The following FBXO47 variants were observed in gnomAD, a reference collection of about 807,000 sequenced individuals.
The protein encoded by FBXO47 is F-box protein 47.
Under a neutral mutation model 53.9 loss-of-function variants are expected in FBXO47, and 34 were observed. The ratio of observed to expected loss-of-function variants is 0.63; its 90% CI spans 0.48 to 0.84. The LOEUF (loss-of-function observed/expected upper bound fraction) is 0.84. Ranked by LOEUF, FBXO47 falls within the 40% of genes least tolerant of loss-of-function variation. The pLI is 0.00. For synonymous variants in FBXO47, 165 were observed against 181.6 expected (o/e 0.91, Z 0.73); for missense variants, 485 against 541.3 (o/e 0.90, Z 1.03).
Position 38,942,840 on chromosome 17 carries a change from C to T in FBXO47, c.1021G>A (p.Ala341Thr). Residue 341 changes from alanine (A) to threonine (T), a missense_variant, in exon 9 of 11, where the codon GCT becomes ACT. Transcript: ENST00000378079. ...GTGCGTCCATTCACAGCTTTACTAG[C>T]CATGAAACTGAAACAGATGTTGTTT... The part of the protein sequence containing the change: ...SGNNICFSFM[A>T]SKAVNGRTIE... The T allele has an allele frequency of 1.2e-6, 2 of 1,613,926 alleles. No homozygotes were observed. The highest frequency in any genetic ancestry group is 1.7e-6 in the Non-Finnish European group (2 of 1,179,916).
intron 10 of FBXO47, among the ~76,000 whole-genome samples, chr17:38,937,867 A>G (rs2143872834): frequency 6.6e-6 from 1 of 151,914 alleles, no homozygotes; most frequent in South Asian, 2.1e-4. Flanking sequence ...ACGGGGTTTC[A>G]CCGTGTTAGC....
rs753916869 is a variant in FBXO47, at chr17:38,942,795, C to T, written c.1066G>A (p.Val356Ile). 6.8e-5 allele frequency: 110 copies of T among 1,607,522 alleles called. No homozygotes were observed. The highest frequency in any genetic ancestry group is 7.9e-5 in the Non-Finnish European group (93 of 1,178,426). The change falls in exon 9 of 11, where the codon GTA (valine) becomes ATA (isoleucine). Residue 356 changes from valine (V) to isoleucine (I), a missense_variant. Physicochemically the swap from Val to Ile is conservative, Grantham distance 29 (BLOSUM62 3). Transcript: ENST00000378079. The part of the protein sequence containing the change: ...NGRTIELARL[V>I]VFLALVCEKE... ...TTACTTACCAAAGCCAAAAAGACTA[C>T]GAGCCTTGCCAGTTCAATGGTGCGT...
intron 7 of FBXO47, among the ~76,000 whole-genome samples, chr17:38,944,459 T>C (rs1162878762): frequency 6.6e-6 from 1 of 151,382 alleles, no homozygotes; most frequent in Non-Finnish European, 1.5e-5. Context: ...TCCCAGCACT[T>C]TGGAAGGCCG....
intron 6 of FBXO47, among the ~76,000 whole-genome samples, chr17:38,946,371 T>A (rs1449244770): frequency 3.5e-5 from 3 of 84,640 alleles, no homozygotes; most frequent in African/African-American, 1.8e-4. Context: ...AATATATAGA[T>A]ATATATATAA....
At chr17:38,966,358 C>A (rs554077259) in intron 1 of FBXO47, among the ~76,000 whole-genome samples, 1 of 152,070 alleles carries the variant, frequency 6.6e-6, no homozygotes. Flanking sequence ...CCCGCCCCCA[C>A]GCCCAGCTAA....
At chr17:38,965,950 T>C (rs1906095950) in intron 1 of FBXO47, among the ~76,000 whole-genome samples, 1 of 151,270 alleles carries the variant, frequency 6.6e-6, no homozygotes, top group Non-Finnish European at 1.5e-5. Context: ...AAGAAAAAAA[T>C]TAAGTTCACT....
At chr17:38,963,352 T>G (rs974040505) in intron 1 of FBXO47, among the ~76,000 whole-genome samples, 2 of 151,946 alleles carry the variant, frequency 1.3e-5, no homozygotes, top group African/African-American at 4.8e-5. Context: ...TAATTTTGTA[T>G]TTTTAGTAGA....
intron 5 of FBXO47, among the ~76,000 whole-genome samples, chr17:38,954,014 C>T (rs1905433008): frequency 1.3e-5 from 2 of 152,028 alleles, no homozygotes; most frequent in Admixed American, 6.6e-5. Flanking sequence ...TACATGTTGT[C>T]GGGTGTGGTT....
In FBXO47 at chr17:38,939,684, G is replaced by A. The variant is rs1167622651; in HGVS notation, c.1084-952C>T. Among the ~76,000 whole-genome samples the A allele has an allele frequency of 4.6e-3, 515 of 111,954 alleles. 8 individuals carry two copies. Among genetic ancestry groups the A allele is most frequent in the African/African-American group, 0.017 (463 of 27,726 alleles). The allele number at this position is 111,954 out of a possible 152,430, so 73.4% of individuals were successfully genotyped here. Reference sequence around the variant, plus strand: ...TTTTTTTTTTTTTTTTTTTTGAGACGGAGTCTCACTCTGTCGCCCAGGCCG... The same window carrying A: ...TTTTTTTTTTTTTTTTTTTTGAGACAGAGTCTCACTCTGTCGCCCAGGCCG... On this transcript the variant is annotated intron_variant, in intron 9 of 10. Coordinates refer to ENST00000378079, the MANE Select transcript of FBXO47 (RefSeq NM_001008777.3).
rs1455166771 is a variant in FBXO47, at chr17:38,944,190, CATGTGTGTGTGTGT to C, written c.794-468_794-455del. On this transcript the variant is annotated intron_variant, in intron 7 of 10. Coordinates refer to ENST00000378079, the MANE Select transcript of FBXO47 (RefSeq NM_001008777.3). The stretch of plus-strand genomic sequence containing the variant: ...CAGCGAGACTCTGTCTCAAAAAAAA[CATGTGTGTGTGTGT>C]GTGTGTGTGTGTGTGTGTGTGTGTG... 5.2e-3 allele frequency among the ~76,000 whole-genome samples: 644 copies of C among 122,758 alleles called. 27 individuals are homozygous for C. The East Asian group carries it at 0.13, about 25-fold the overall frequency. The allele number at this position is 122,758 out of a possible 152,430, so 80.5% of individuals were successfully genotyped here. A position where few individuals can be genotyped will look rare whatever the true frequency, so the allele number is the denominator to read the frequency against.
intron 4 of FBXO47, among the ~76,000 whole-genome samples, chr17:38,955,214 C>T (rs986483691): frequency 4.0e-5 from 6 of 151,392 alleles, no homozygotes; most frequent in African/African-American, 9.7e-5. Flanking sequence ...GGTGAAGCTC[C>T]GTCTCTGCTA....
intron 6 of FBXO47, among the ~76,000 whole-genome samples, chr17:38,946,285 T>A (rs1365667887): frequency 3.5e-5 from 3 of 86,724 alleles, no homozygotes; most frequent in Non-Finnish European, 6.3e-5. Context: ...AAAATATATA[T>A]AAATATATAA....
intron 7 of FBXO47, 48 bp downstream of exon 7, chr17:38,944,911 TA>T: frequency 6.8e-7 from 1 of 1,479,762 alleles, no homozygotes; most frequent in Non-Finnish European, 9.4e-7. Flanking sequence ...CTTCCTAAAG[TA>T]AAAATAATGA....
chr17:38,958,661 C>T (rs1905674069), intron 3 of FBXO47, among the ~76,000 whole-genome samples: 1 of 151,972 alleles, frequency 6.6e-6, no homozygotes, highest in Non-Finnish European at 1.5e-5. Context: ...AAATACATAC[C>T]TGAACCTTAT....
At chr17:38,946,025 A>G (rs565522404) in intron 6 of FBXO47, among the ~76,000 whole-genome samples, 2,730 of 124,674 alleles carry the variant, frequency 0.022, 36 homozygotes, top group Non-Finnish European at 0.033. Flanking sequence ...ATAAAAATAT[A>G]AAAATATATA....
chr17:38,947,073 C>G (rs866090903), intron 6 of FBXO47, among the ~76,000 whole-genome samples: 1 of 122,280 alleles, frequency 8.2e-6, no homozygotes, highest in East Asian at 2.4e-4. Context: ...TATATATAAA[C>G]ATATATAAAC....
chr17:38,945,574 G>A (rs891402015), intron 6 of FBXO47, among the ~76,000 whole-genome samples: 9 of 151,980 alleles, frequency 5.9e-5, no homozygotes, highest in African/African-American at 2.2e-4. Flanking sequence ...CGAGGTGGGA[G>A]GATCACTTGA....
intron 9 of FBXO47, 35 bp from the exon 10 acceptor site, chr17:38,938,767 T>C: frequency 6.7e-7 from 1 of 1,489,660 alleles, no homozygotes; most frequent in Non-Finnish European, 9.1e-7. Context: ...TAAACCTTCA[T>C]GTGAAGAAAG....
chr17:38,960,778 T>C (rs2038744773), intron 3 of FBXO47, among the ~76,000 whole-genome samples: 3 of 151,894 alleles, frequency 2.0e-5, no homozygotes, highest in Admixed American at 2.0e-4. Context: ...AATACAGGCA[T>C]GTGCCACCAT....
Sources: gnomAD v4.1 joint callset for allele counts (sites outside exome capture counted in the v4.1 genomes callset) on GRCh38, gnomAD v4.1.1 for gene constraint, MANE v1.5 for transcripts, NCBI Gene and HGNC (gene_info 2026-07-23, HGNC 2026-07-21) for gene names.